The following MICU1 variants were observed in gnomAD, a reference collection of about 807,000 sequenced individuals.
MICU1 encodes the protein calcium uptake protein 1, mitochondrial.
Under a neutral mutation model 56.8 loss-of-function variants are expected in MICU1, and 45 were observed. The ratio of observed to expected loss-of-function variants is 0.79; its 90% CI spans 0.62 to 1.02. MICU1 has a LOEUF of 1.02. Among genes scored for constraint, MICU1 ranks in the 50% least tolerant of loss-of-function variants. MICU1 has a pLI of 0.00. For synonymous variants in MICU1, 186 were observed against 195.1 expected, an observed-to-expected ratio of 0.95 and a Z score of 0.39; for missense variants, 504 against 587.1, an observed-to-expected ratio of 0.86 and a Z score of 1.46.
chr10:72,517,909 G>A (rs899206554), intron 5 of MICU1, among the ~76,000 whole-genome samples: 1 of 151,952 alleles, frequency 6.6e-6, no homozygotes, highest in Non-Finnish European at 1.5e-5. Context: ...ATACACTTCA[G>A]GGGTGATATG....
At chr10:72,546,771 G>A (rs1030720700) in intron 4 of MICU1, among the ~76,000 whole-genome samples, 4 of 152,062 alleles carry the variant, frequency 2.6e-5, no homozygotes, top group Non-Finnish European at 5.9e-5. Context: ...TGTTGCCCAG[G>A]CTGGAGTACA....
At chr10:72,379,908 T>C (rs1862644455) in intron 10 of MICU1, among the ~76,000 whole-genome samples, 1 of 152,084 alleles carries the variant, frequency 6.6e-6, no homozygotes, top group Non-Finnish European at 1.5e-5. Context: ...AGATCCTCAT[T>C]ATAGGCCCCT....
At chr10:72,610,553 A>T (rs180992592) in intron 1 of MICU1, among the ~76,000 whole-genome samples, 1 of 152,338 alleles carries the variant, frequency 6.6e-6, no homozygotes, top group African/African-American at 2.4e-5. Context: ...TTAGTGGGCC[A>T]GGGAAGGTAG....
chr10:72,524,297 T>G (rs1232449669), intron 5 of MICU1, among the ~76,000 whole-genome samples: 1 of 152,112 alleles, frequency 6.6e-6, no homozygotes, highest in Non-Finnish European at 1.5e-5. Context: ...GATGAGGTCT[T>G]GCTATGTTGC....
chr10:72,614,680 T>C (rs1841935420), intron 1 of MICU1, among the ~76,000 whole-genome samples: 1 of 152,182 alleles, frequency 6.6e-6, no homozygotes, highest in South Asian at 2.1e-4. Context: ...GGCAAATACT[T>C]TGTGATTTCA....
chr10:72,508,416 C>T (rs1369802641), intron 5 of MICU1, 147 bp from the exon 6 acceptor site: 1 of 421,640 alleles, frequency 2.4e-6, no homozygotes, highest in Non-Finnish European at 4.3e-6. Flanking sequence ...TCAATGGATC[C>T]TTTACAGTTT....
intron 5 of MICU1, among the ~76,000 whole-genome samples, chr10:72,509,763 T>C (rs1449612561): frequency 1.3e-5 from 2 of 152,076 alleles, no homozygotes; most frequent in African/African-American, 2.4e-5. Flanking sequence ...TAAGGTTAGA[T>C]CTCATACTAC....
chr10:72,432,310 T>A (rs79143503), intron 8 of MICU1, among the ~76,000 whole-genome samples: 6,774 of 152,062 alleles, frequency 0.045, 415 homozygotes, highest in East Asian at 0.19. Context: ...ATTTTCTTTT[T>A]GTAGAGACGG....
At chr10:72,458,877 C>A (rs1865558772) in intron 8 of MICU1, among the ~76,000 whole-genome samples, 1 of 117,162 alleles carries the variant, frequency 8.5e-6, no homozygotes, top group Admixed American at 8.5e-5. Context: ...CACCCAGCTA[C>A]CATTTTTTTT....
At chr10:72,421,002 C>CAAAAAAAA (rs34221911) in intron 9 of MICU1, among the ~76,000 whole-genome samples, 4 of 108,648 alleles carry the variant, frequency 3.7e-5, no homozygotes, top group African/African-American at 7.4e-5. Flanking sequence ...AACTCCGTCT[C>CAAAAAAAA]AAAAAAAAAA....
chr10:72,380,336 G>A (rs1041810891), intron 10 of MICU1, among the ~76,000 whole-genome samples: 2 of 152,140 alleles, frequency 1.3e-5, no homozygotes, highest in Non-Finnish European at 2.9e-5. Context: ...AAGTGCGATT[G>A]GGTGATTCCT....
intron 8 of MICU1, among the ~76,000 whole-genome samples, chr10:72,446,989 T>TTA (rs1394570851): frequency 3.3e-5 from 5 of 152,182 alleles, no homozygotes; most frequent in African/African-American, 1.2e-4. Flanking sequence ...AAACTGTAAG[T>TTA]AAGTAATTCT....
At chr10:72,597,992 A>C (rs1353688789) in intron 1 of MICU1, among the ~76,000 whole-genome samples, 1 of 152,210 alleles carries the variant, frequency 6.6e-6, no homozygotes, top group Non-Finnish European at 1.5e-5. Context: ...ATCTGTAGTT[A>C]TGTACCAATC....
intron 1 of MICU1, among the ~76,000 whole-genome samples, chr10:72,596,232 C>A (rs1348077697): frequency 6.6e-6 from 1 of 152,182 alleles, no homozygotes; most frequent in Admixed American, 6.5e-5. Context: ...GCCTCAGCCT[C>A]CCAAAGTGCT....
At chr10:72,447,174 G>A (rs565710113) in intron 8 of MICU1, among the ~76,000 whole-genome samples, 14 of 152,240 alleles carry the variant, frequency 9.2e-5, no homozygotes, top group Admixed American at 2.0e-4. Flanking sequence ...GGAGCAGTAG[G>A]GACAAACTAT....
At chr10:72,425,386 T>C (rs7096539) in intron 8 of MICU1, among the ~76,000 whole-genome samples, 91,772 of 152,014 alleles carry the variant, frequency 0.6, 28,962 homozygotes, top group Non-Finnish European at 0.67. Context: ...TCAAGGCTTA[T>C]AAAAGGCCTT....
chr10:72,423,258 G>A lies in MICU1; in HGVS notation c.1047C>T (p.Leu349=). 6.2e-7 allele frequency: 1 copy of A among 1,613,712 alleles called. No homozygotes were observed. Among genetic ancestry groups the A allele is most frequent in the Non-Finnish European group, 8.5e-7 (1 of 1,179,804 alleles). ...CCTTTCCTTCTTTGAAGTGCTTCTT[G>A]AGCTGCCTCTGCATGGCGGTCAGCT... is the stretch of plus-strand genomic sequence containing the variant. ...SKKLTAMQRQ[L]KKHFKEGKGL... Residue 349 remains leucine, a synonymous_variant, in exon 9 of 12, where the codon CTC becomes CTT. Coordinates refer to ENST00000361114, the MANE Select transcript of MICU1 (RefSeq NM_001195518.2).
intron 1 of MICU1, among the ~76,000 whole-genome samples, chr10:72,624,771 T>A (rs569643692): frequency 3.9e-5 from 6 of 152,112 alleles, no homozygotes; most frequent in Non-Finnish European, 8.8e-5. Context: ...TGTTCTTAAG[T>A]GGAAGAGACA....
intron 1 of MICU1, among the ~76,000 whole-genome samples, chr10:72,614,020 G>A (rs1331498076): frequency 2.0e-5 from 3 of 152,020 alleles, no homozygotes; most frequent in African/African-American, 7.3e-5. Context: ...GGTGGCGGGC[G>A]CCTGTCCCAG....
Sources: allele counts gnomAD v4.1 joint callset (sites outside exome capture counted in the v4.1 genomes callset), GRCh38; gene constraint gnomAD v4.1.1; transcripts MANE v1.5; gene names NCBI Gene and HGNC (gene_info 2026-07-23, HGNC 2026-07-21).